DMTF1: variants seen among roughly 807,000 people sequenced by gnomAD.
The protein encoded by DMTF1 is cyclin-D-binding Myb-like transcription factor 1.
A neutral mutation model predicts 91.1 loss-of-function variants in DMTF1; 39 were observed. The ratio of observed to expected loss-of-function variants is 0.43; its 90% CI spans 0.33 to 0.56. The LOEUF (loss-of-function observed/expected upper bound fraction) is 0.56, where lower values mean the gene tolerates loss of function less well. Among genes scored for constraint, DMTF1 ranks in the 20% least tolerant of loss-of-function variants. The probability of loss-of-function intolerance (pLI) is 0.05; values close to 1 mark genes in which losing one functional copy is unlikely to be tolerated. For missense variants in DMTF1, 750 were observed against 914.5 expected, an observed-to-expected ratio of 0.82 and a Z score of 2.32; for synonymous variants, 338 against 309.5, an observed-to-expected ratio of 1.09 and a Z score of -0.97.
chr7:87,170,478 T>C (rs539803532), intron 4 of DMTF1, among the ~76,000 whole-genome samples: 2 of 152,340 alleles, frequency 1.3e-5, no homozygotes, highest in South Asian at 2.1e-4. Flanking sequence ...ACTGGCCTCC[T>C]TGCTATTCTC....
intron 6 of DMTF1, among the ~76,000 whole-genome samples, chr7:87,174,199 CT>C (rs1281798585): frequency 6.6e-6 from 1 of 152,144 alleles, no homozygotes; most frequent in East Asian, 1.9e-4. Context: ...CAATATTTAC[CT>C]TGCCCTAGAG....
chr7:87,185,387 T>G (rs1798187984), intron 11 of DMTF1, among the ~76,000 whole-genome samples: 1 of 152,124 alleles, frequency 6.6e-6, no homozygotes, highest in South Asian at 2.1e-4. Flanking sequence ...TGTTTTGGAT[T>G]TTTTTTTCAA....
chr7:87,167,962 A>G (rs546710534), intron 4 of DMTF1, among the ~76,000 whole-genome samples: 1 of 152,344 alleles, frequency 6.6e-6, no homozygotes, highest in South Asian at 2.1e-4. Context: ...TGTAGGTTCA[A>G]ACTACACTTG....
intron 9 of DMTF1, 191 bp from the exon 10 acceptor site, chr7:87,182,037 G>GC: frequency 6.7e-7 from 1 of 1,497,910 alleles, no homozygotes. Flanking sequence ...ATTGCTGCCT[G>GC]TTTTTTTTTC....
At chr7:87,193,087 G>C (rs182481294) in intron 14 of DMTF1, 111 bp from the exon 15 acceptor site, 1 of 1,126,010 alleles carries the variant, frequency 8.9e-7, no homozygotes, top group Non-Finnish European at 1.3e-6. Flanking sequence ...TTACTTGTTC[G>C]CACCTTCACA....
At chr7:87,188,927 A>G (rs1799106248) in intron 13 of DMTF1, among the ~76,000 whole-genome samples, 1 of 152,234 alleles carries the variant, frequency 6.6e-6, no homozygotes, top group African/African-American at 2.4e-5. Flanking sequence ...TGACAAAAAA[A>G]GGAATGAGGA....
intron 1 of DMTF1, chr7:87,155,317 ACT>A (rs1562765656): frequency 6.6e-6 from 1 of 152,180 alleles, no homozygotes. Context: ...CATATTTAAC[ACT>A]GAGGTGGTGT....
intron 8 of DMTF1, 45 bp downstream of exon 8, chr7:87,179,747 A>C: frequency 2.0e-6 from 3 of 1,515,930 alleles, no homozygotes; most frequent in Non-Finnish European, 2.6e-6. Context: ...AATTAGGGGA[A>C]ATATTTGAGG....
chr7:87,171,457 G>A (rs1391847518), intron 5 of DMTF1, among the ~76,000 whole-genome samples: 1 of 152,182 alleles, frequency 6.6e-6, no homozygotes, highest in African/African-American at 2.4e-5. Flanking sequence ...TTCTTACTGT[G>A]TCTTTGCTGT....
chr7:87,184,800 T>G (rs1360610756), intron 11 of DMTF1, 175 bp downstream of exon 11: 6 of 728,270 alleles, frequency 8.2e-6, no homozygotes, highest in Non-Finnish European at 1.5e-5. Context: ...TGTGTTGTGT[T>G]TGTTCCTTTT....
At chr7:87,161,341 A>G (rs369917283) in intron 1 of DMTF1, among the ~76,000 whole-genome samples, 1 of 152,124 alleles carries the variant, frequency 6.6e-6, no homozygotes. Context: ...CTACTAAAAA[A>G]ATACCAAAAA....
chr7:87,169,559 C>A (rs1479311615), intron 4 of DMTF1, among the ~76,000 whole-genome samples: 1 of 151,906 alleles, frequency 6.6e-6, no homozygotes, highest in Non-Finnish European at 1.5e-5. Context: ...TATTTGCCTT[C>A]ATTTCCTTTC....
intron 10 of DMTF1, among the ~76,000 whole-genome samples, chr7:87,183,683 A>C (rs1797836029): frequency 6.6e-6 from 1 of 152,236 alleles, no homozygotes; most frequent in African/African-American, 2.4e-5. Flanking sequence ...AACAAAATGG[A>C]AACAGAGGTA....
chr7:87,194,431 A>C (rs1584490615), intron 16 of DMTF1: 1 of 488,776 alleles, frequency 2.0e-6, no homozygotes, highest in East Asian at 3.3e-5. Context: ...ACATCATCCT[A>C]CACTGTAACA....
chr7:87,186,164 T>A, intron 12 of DMTF1, 184 bp downstream of exon 12: 1 of 581,874 alleles, frequency 1.7e-6, no homozygotes, highest in Non-Finnish European at 3.0e-6. Context: ...TGTTTGTAAT[T>A]CCTAAAGCCC....
intron 1 of DMTF1, among the ~76,000 whole-genome samples, chr7:87,154,747 C>T (rs988694489): frequency 6.6e-6 from 1 of 152,090 alleles, no homozygotes; most frequent in Admixed American, 6.5e-5. Context: ...GATAGCTGTC[C>T]TCTAGTCCTT....
At chr7:87,182,711 A>T (rs1017521151) in intron 10 of DMTF1, among the ~76,000 whole-genome samples, 1 of 152,246 alleles carries the variant, frequency 6.6e-6, no homozygotes, top group African/African-American at 2.4e-5. Context: ...GCAACAGCTA[A>T]TCAGTGAGTG....
At chr7:87,181,001 G>T (rs968162122) in intron 8 of DMTF1, among the ~76,000 whole-genome samples, 1 of 151,724 alleles carries the variant, frequency 6.6e-6, no homozygotes, top group African/African-American at 2.4e-5. Context: ...GATTACAGGC[G>T]CCTGCCACCA....
intron 1 of DMTF1, among the ~76,000 whole-genome samples, chr7:87,156,578 A>G (rs919206569): frequency 6.6e-6 from 1 of 152,138 alleles, no homozygotes; most frequent in Non-Finnish European, 1.5e-5. Flanking sequence ...TCAAGTGTGT[A>G]GTGTTCCTAT....
Sources: gnomAD v4.1 joint callset for allele counts (sites outside exome capture counted in the v4.1 genomes callset) on GRCh38, gnomAD v4.1.1 for gene constraint, MANE v1.5 for transcripts, NCBI Gene and HGNC (gene_info 2026-07-23, HGNC 2026-07-21) for gene names.